FSTL4: variants seen among roughly 807,000 people sequenced by gnomAD.
FSTL4 encodes follistatin like 4, also known as follistatin-related protein 4.
In FSTL4, 28 loss-of-function variants were observed where a neutral mutation model predicts 78.2. That is an observed-to-expected ratio of 0.36 (90% CI 0.27 to 0.49). The LOEUF (loss-of-function observed/expected upper bound fraction) is 0.49, where lower values mean the gene tolerates loss of function less well. FSTL4 is among the 20% of genes least tolerant of loss of function. The pLI is 0.98. For synonymous variants in FSTL4, 422 were observed against 440.5 expected (o/e 0.96, Z 0.53); for missense variants, 922 against 1,084.9 (o/e 0.85, Z 2.11).
chr5:133,449,981 C>A (rs1757349154), intron 3 of FSTL4, among the ~76,000 whole-genome samples: 1 of 152,184 alleles, frequency 6.6e-6, no homozygotes, highest in South Asian at 2.1e-4. Context: ...ACAATCCAGG[C>A]TTCTCTTTCT....
the FSTL4 span, among the ~76,000 whole-genome samples, chr5:133,663,786 G>C: frequency 6.6e-6 from 1 of 152,262 alleles, no homozygotes; most frequent in Non-Finnish European, 1.5e-5. Flanking sequence ...ATGGCAGCCA[G>C]GGGAAATGTA....
chr5:133,679,688 C>T, the FSTL4 span, among the ~76,000 whole-genome samples: 1 of 152,174 alleles, frequency 6.6e-6, no homozygotes, highest in African/African-American at 2.4e-5. Flanking sequence ...CATCTATTTG[C>T]AGAACAGGCT....
intron 3 of FSTL4, among the ~76,000 whole-genome samples, chr5:133,504,338 C>T (rs913443228): frequency 1.3e-5 from 2 of 152,184 alleles, no homozygotes; most frequent in East Asian, 1.9e-4. Context: ...CTGATCAAAA[C>T]GCTCCTCAAA....
At chr5:133,784,434 C>T in the FSTL4 span, among the ~76,000 whole-genome samples, 1 of 152,204 alleles carries the variant, frequency 6.6e-6, no homozygotes, top group Non-Finnish European at 1.5e-5. Flanking sequence ...CTGGGGAGAA[C>T]ACCCCATTCC....
chr5:133,245,279 T>A (rs1366991207), intron 7 of FSTL4, among the ~76,000 whole-genome samples: 1 of 152,046 alleles, frequency 6.6e-6, no homozygotes, highest in Non-Finnish European at 1.5e-5. Context: ...TCAGAAAACA[T>A]CAACAAGGCT....
chr5:133,420,452 AGT>A (rs1200225589), intron 3 of FSTL4, among the ~76,000 whole-genome samples: 1 of 152,224 alleles, frequency 6.6e-6, no homozygotes. Context: ...AATAATCTCA[AGT>A]GGAAATTTAA....
At chr5:133,297,376 T>G (rs1355424298) in intron 6 of FSTL4, among the ~76,000 whole-genome samples, 1 of 152,066 alleles carries the variant, frequency 6.6e-6, no homozygotes, top group Non-Finnish European at 1.5e-5. Flanking sequence ...AAGCCAAGGC[T>G]CGGTGGGACT....
At chr5:133,771,461 G>T in the FSTL4 span, among the ~76,000 whole-genome samples, 16 of 151,948 alleles carry the variant, frequency 1.1e-4, no homozygotes, top group Admixed American at 1.0e-3. Flanking sequence ...TCTAGGTTTT[G>T]TTTAGTTTTG....
At chr5:133,621,415 A>C in the FSTL4 span, among the ~76,000 whole-genome samples, 1 of 152,170 alleles carries the variant, frequency 6.6e-6, no homozygotes, top group African/African-American at 2.4e-5. Context: ...AACACAAAAA[A>C]CAAAAAACAA....
the FSTL4 span, among the ~76,000 whole-genome samples, chr5:133,627,619 G>A: frequency 1.8e-4 from 27 of 152,082 alleles, no homozygotes; most frequent in African/African-American, 5.8e-4. Context: ...CATTCAACCT[G>A]CCTATAATGT....
chr5:133,525,608 C>T (rs573091190), intron 3 of FSTL4, among the ~76,000 whole-genome samples: 18 of 152,308 alleles, frequency 1.2e-4, no homozygotes, highest in Non-Finnish European at 1.8e-4. Context: ...GCAATGATGC[C>T]GGCCTCACTA....
chr5:133,288,856 A>G (rs1753194147), intron 6 of FSTL4, among the ~76,000 whole-genome samples: 1 of 151,648 alleles, frequency 6.6e-6, no homozygotes, highest in African/African-American at 2.4e-5. Context: ...TCGCATGTCC[A>G]CCTTGAGAAT....
the FSTL4 span, among the ~76,000 whole-genome samples, chr5:133,835,886 T>C: frequency 6.6e-6 from 1 of 152,360 alleles, no homozygotes; most frequent in East Asian, 1.9e-4. Context: ...TGAAGCTATG[T>C]TATTAGGTGC....
chr5:133,604,721 T>G (rs1338825785), intron 1 of FSTL4, among the ~76,000 whole-genome samples: 2 of 151,976 alleles, frequency 1.3e-5, no homozygotes, highest in Middle Eastern at 3.2e-3. Flanking sequence ...AAAAAAGAAA[T>G]GATGATTAAG....
chr5:133,806,830 G>C, the FSTL4 span, among the ~76,000 whole-genome samples: 2 of 152,184 alleles, frequency 1.3e-5, no homozygotes, highest in African/African-American at 2.4e-5. Flanking sequence ...CAACCTGGAG[G>C]GGGGCACCCT....
At chr5:133,216,553 A>G (rs555415241) in intron 13 of FSTL4, among the ~76,000 whole-genome samples, 1 of 152,194 alleles carries the variant, frequency 6.6e-6, no homozygotes, top group South Asian at 2.1e-4. Flanking sequence ...GTTTCACCAC[A>G]TTGGCCAGGC....
At chr5:133,257,718 A>G (rs1560086) in intron 6 of FSTL4, among the ~76,000 whole-genome samples, 112,059 of 151,922 alleles carry the variant, frequency 0.74, 42,294 homozygotes, top group African/African-American at 0.89. Context: ...GGTCAGCAGG[A>G]GCATGGCTGT....
At chr5:133,365,944 T>C (rs1342863850) in intron 4 of FSTL4, among the ~76,000 whole-genome samples, 1 of 152,212 alleles carries the variant, frequency 6.6e-6, no homozygotes, top group Admixed American at 6.5e-5. Context: ...GGATGAGGGC[T>C]AGCCCTCAGC....
At chr5:133,461,634 A>C (rs959693817) in intron 3 of FSTL4, among the ~76,000 whole-genome samples, 1 of 152,196 alleles carries the variant, frequency 6.6e-6, no homozygotes, top group African/African-American at 2.4e-5. Flanking sequence ...GACTGACTGG[A>C]CATATCTGGG....
Sources: allele counts gnomAD v4.1 joint callset (sites outside exome capture counted in the v4.1 genomes callset), GRCh38; gene constraint gnomAD v4.1.1; transcripts MANE v1.5; gene names NCBI Gene and HGNC (gene_info 2026-07-23, HGNC 2026-07-21).